EXOC2: variants seen among roughly 807,000 people sequenced by gnomAD.
EXOC2 encodes the protein exocyst complex component 2, also known as SEC5-like 1.
Under a neutral mutation model 131.8 loss-of-function variants are expected in EXOC2, and 70 were observed. The ratio of observed to expected loss-of-function variants is 0.53; its 90% confidence interval spans 0.44 to 0.65. The LOEUF (loss-of-function observed/expected upper bound fraction) is 0.65. EXOC2 is among the 30% of genes least tolerant of loss of function. The probability of loss-of-function intolerance (pLI) is 0.00; values close to 1 mark genes in which losing one functional copy is unlikely to be tolerated. For missense variants in EXOC2, 923 were observed against 1,108.6 expected (o/e 0.83, Z 2.38); for synonymous variants, 411 against 398.4 (o/e 1.03, Z -0.38).
intron 22 of EXOC2, among the ~76,000 whole-genome samples, chr6:545,655 T>C (rs532713233): frequency 5.3e-5 from 8 of 152,242 alleles, no homozygotes; most frequent in Non-Finnish European, 1.2e-4. Flanking sequence ...AGAAATGTGA[T>C]GAGATCAGCT....
chr6:591,523 T>TTCAGCTCTCAGAATGTCACTCCCC (rs993969977), intron 11 of EXOC2, among the ~76,000 whole-genome samples: 2 of 152,140 alleles, frequency 1.3e-5, no homozygotes, highest in Non-Finnish European at 2.9e-5. Context: ...TGTCACTCCC[T>TTCAGCTCTCAGAATGTCACTCCCC]TCAGCTCTCA....
intron 1 of EXOC2, among the ~76,000 whole-genome samples, chr6:644,818 T>A (rs1283822159): frequency 6.6e-6 from 1 of 152,098 alleles, no homozygotes; most frequent in Non-Finnish European, 1.5e-5. Context: ...AAAACTACAA[T>A]ATACTGCAGA....
intron 25 of EXOC2, among the ~76,000 whole-genome samples, chr6:492,137 G>C (rs1008872458): frequency 6.6e-6 from 1 of 152,176 alleles, no homozygotes; most frequent in Non-Finnish European, 1.5e-5. Flanking sequence ...AACAGATAAA[G>C]TGGACTTCAC....
At chr6:658,974 A>C (rs572035170) in intron 1 of EXOC2, among the ~76,000 whole-genome samples, 3 of 152,254 alleles carry the variant, frequency 2.0e-5, no homozygotes, top group African/African-American at 7.2e-5. Flanking sequence ...GATATTTAAA[A>C]TATTTACATT....
At chr6:633,479 A>T (rs1219760421) in intron 2 of EXOC2, among the ~76,000 whole-genome samples, 1 of 152,238 alleles carries the variant, frequency 6.6e-6, no homozygotes, top group Non-Finnish European at 1.5e-5. Flanking sequence ...TCAGTTATTA[A>T]CATAGAATTT....
intron 23 of EXOC2, among the ~76,000 whole-genome samples, chr6:521,690 C>A (rs1380334928): frequency 1.3e-5 from 2 of 151,992 alleles, no homozygotes; most frequent in African/African-American, 2.4e-5. Context: ...CCATGCCCAG[C>A]TAATTTTTGT....
chr6:690,676 C>T lies in EXOC2; in HGVS notation c.-44+2343G>A, dbSNP rs9502443. 4.6e-3 allele frequency among the ~76,000 whole-genome samples: 695 copies of T among 152,278 alleles called. 8 individuals are homozygous for T. The highest frequency in any genetic ancestry group is 0.016 in the African/African-American group (672 of 41,558). ...AGAGATCTCGCCACTGTACTTCAGC[C>T]TAGGCAACAGGGTGAGACTCTGTCT... is the stretch of plus-strand genomic sequence containing the variant. On this transcript the variant is annotated intron_variant, in intron 1 of 27. Coordinates refer to ENST00000230449, the MANE Select transcript of EXOC2 (RefSeq NM_018303.6).
intron 2 of EXOC2, among the ~76,000 whole-genome samples, chr6:634,422 A>G (rs1055909803): frequency 1.3e-5 from 2 of 152,030 alleles, no homozygotes; most frequent in Non-Finnish European, 2.9e-5. Context: ...AACTTTCTAT[A>G]ATGTTCAGCA....
intron 24 of EXOC2, among the ~76,000 whole-genome samples, chr6:499,430 A>AACACACACAC (rs5873755): frequency 0.028 from 3,924 of 141,656 alleles, 60 homozygotes; most frequent in Non-Finnish European, 0.036. Context: ...CTCACAGTTA[A>AACACACACAC]ACACACACAC....
At chr6:518,089 C>A (rs1765257960) in intron 23 of EXOC2, among the ~76,000 whole-genome samples, 1 of 152,154 alleles carries the variant, frequency 6.6e-6, no homozygotes, top group African/African-American at 2.4e-5. Context: ...AGAATTTGAA[C>A]ATTGACTAAA....
chr6:538,297 T>G (rs1396105627), intron 22 of EXOC2, among the ~76,000 whole-genome samples: 1 of 152,200 alleles, frequency 6.6e-6, no homozygotes, highest in Non-Finnish European at 1.5e-5. Context: ...TTCTATTAAC[T>G]CAACAGCCTC....
At chr6:607,600 T>G (rs1232665406) in intron 7 of EXOC2, among the ~76,000 whole-genome samples, 4 of 152,260 alleles carry the variant, frequency 2.6e-5, no homozygotes, top group Non-Finnish European at 4.4e-5. Flanking sequence ...TAATTAAAAT[T>G]AAATAAAAAT....
intron 1 of EXOC2, among the ~76,000 whole-genome samples, chr6:647,025 C>T (rs1230728534): frequency 1.3e-5 from 2 of 152,226 alleles, no homozygotes; most frequent in East Asian, 1.9e-4. Flanking sequence ...TAACCCACCA[C>T]ATTAATTAAT....
At chr6:650,575 A>G (rs1762785140) in intron 1 of EXOC2, among the ~76,000 whole-genome samples, 1 of 152,254 alleles carries the variant, frequency 6.6e-6, no homozygotes, top group Non-Finnish European at 1.5e-5. Context: ...ATTATAGGCA[A>G]CGTATCTCTG....
intron 6 of EXOC2, among the ~76,000 whole-genome samples, chr6:615,184 T>TGG (rs1356153675): frequency 9.6e-5 from 11 of 115,036 alleles, no homozygotes; most frequent in South Asian, 5.6e-4. Context: ...TGGGTGTGGG[T>TGG]GTGTGTGTGT....
chr6:509,223 G>C (rs1231892611), intron 23 of EXOC2, among the ~76,000 whole-genome samples: 1 of 152,096 alleles, frequency 6.6e-6, no homozygotes, highest in Non-Finnish European at 1.5e-5. Flanking sequence ...TCCTACTATG[G>C]GGAACTTATG....
At chr6:552,694 C>T (rs1757210772) in intron 21 of EXOC2, among the ~76,000 whole-genome samples, 1 of 152,172 alleles carries the variant, frequency 6.6e-6, no homozygotes, top group African/African-American at 2.4e-5. Flanking sequence ...TGAATGGTAT[C>T]ATTCTCTACC....
intron 18 of EXOC2, 86 bp from the exon 19 acceptor site, chr6:556,099 G>T: frequency 1.6e-6 from 2 of 1,225,014 alleles, no homozygotes; most frequent in Non-Finnish European, 2.4e-6. Flanking sequence ...CAGTTAAAAC[G>T]TGGAACGCTG....
chr6:675,419 T>C (rs1009850611), intron 1 of EXOC2, among the ~76,000 whole-genome samples: 6 of 152,344 alleles, frequency 3.9e-5, no homozygotes, highest in South Asian at 2.1e-4. Context: ...AGGTCAGTGA[T>C]AGTGCGCAGA....
Sources: allele counts gnomAD v4.1 joint callset (sites outside exome capture counted in the v4.1 genomes callset), GRCh38; gene constraint gnomAD v4.1.1; transcripts MANE v1.5; gene names NCBI Gene and HGNC (gene_info 2026-07-23, HGNC 2026-07-21).